Variants in ZFYVE21 observed in about 807,000 individuals in gnomAD.
The protein encoded by ZFYVE21 is zinc finger FYVE-type containing 21.
ZFYVE21 carries 21 observed loss-of-function variants against 29.5 expected under a neutral mutation model. The ratio of observed to expected loss-of-function variants is 0.71; its 90% CI spans 0.50 to 1.02. The LOEUF (loss-of-function observed/expected upper bound fraction) is 1.02. ZFYVE21 is among the 50% of genes least tolerant of loss of function. The pLI, the probability that ZFYVE21 is intolerant of heterozygous loss-of-function variation, is 0.00. For missense variants in ZFYVE21, 326 were observed against 335.4 expected, an observed-to-expected ratio of 0.97 and a Z score of 0.22; for synonymous variants, 151 against 133.8, an observed-to-expected ratio of 1.13 and a Z score of -0.89.
chr14:103,728,820 G>T lies in ZFYVE21; in HGVS notation c.359-88G>T. 3.1e-6 allele frequency: 4 copies of T among 1,294,944 alleles called. No homozygotes were observed. In the East Asian group the frequency reaches 6.9e-5, roughly 22 times the overall value. The allele number at this position is 1,294,944 out of a possible 1,614,324, so 80.2% of individuals were successfully genotyped here. On this transcript the variant is annotated intron_variant, in intron 3 of 6. Coordinates refer to ENST00000311141, the MANE Select transcript of ZFYVE21 (RefSeq NM_024071.4). ...TCTTGCTGTTTTTACTCTGTCCTCT[G>T]TGCGTGCGTCTCCTACTGGTACTCG...
intron 1 of ZFYVE21, among the ~76,000 whole-genome samples, chr14:103,721,592 T>C (rs1323027925): frequency 2.6e-5 from 4 of 152,156 alleles, no homozygotes; most frequent in South Asian, 2.1e-4. Context: ...GGGGGCAGTG[T>C]CTGTCATTAG....
intron 1 of ZFYVE21, among the ~76,000 whole-genome samples, chr14:103,719,754 C>T (rs1306767286): frequency 6.6e-6 from 1 of 152,048 alleles, no homozygotes; most frequent in Non-Finnish European, 1.5e-5. Context: ...GTTCTGGGAA[C>T]CAGCAGCCTC....
intron 2 of ZFYVE21, chr14:103,727,303 G>C: frequency 2.7e-6 from 1 of 365,208 alleles, no homozygotes; most frequent in Non-Finnish European, 5.3e-6. Flanking sequence ...TGACTGTGCT[G>C]ATTCTGCCGG....
At chr14:103,727,409 C>T in intron 2 of ZFYVE21, 1 of 439,960 alleles carries the variant, frequency 2.3e-6, no homozygotes, top group Non-Finnish European at 4.4e-6. Context: ...CCGCTTTGCC[C>T]TCGTGAAGTG....
intron 5 of ZFYVE21, chr14:103,729,956 C>A: frequency 2.4e-6 from 3 of 1,238,974 alleles, no homozygotes; most frequent in Non-Finnish European, 3.3e-6. Context: ...CTTTGTGAAA[C>A]CTGAATTCAC....
chr14:103,718,631 T>A (rs1432180483), intron 1 of ZFYVE21, among the ~76,000 whole-genome samples: 1 of 152,114 alleles, frequency 6.6e-6, no homozygotes, highest in Admixed American at 6.5e-5. Context: ...GACTCTGCCA[T>A]CAAATATCCG....
intron 1 of ZFYVE21, among the ~76,000 whole-genome samples, chr14:103,719,169 T>A (rs906030996): frequency 1.3e-5 from 2 of 152,016 alleles, no homozygotes; most frequent in Admixed American, 6.6e-5. Context: ...TTCCAGCTAC[T>A]TGGGAGGCTG....
At chr14:103,721,103 G>T (rs531808061) in intron 1 of ZFYVE21, among the ~76,000 whole-genome samples, 1 of 152,298 alleles carries the variant, frequency 6.6e-6, no homozygotes, top group African/African-American at 2.4e-5. Context: ...TGGGATTACA[G>T]GTGTGGCCAC....
intron 5 of ZFYVE21, 180 bp downstream of exon 5, chr14:103,729,362 C>T (rs568701190): frequency 2.1e-5 from 13 of 624,428 alleles, no homozygotes; most frequent in Non-Finnish European, 3.0e-5. Context: ...CTTTAGAACT[C>T]GCCAGGTGAG....
At chr14:103,717,370 G>T (rs993197173) in intron 1 of ZFYVE21, among the ~76,000 whole-genome samples, 4 of 152,342 alleles carry the variant, frequency 2.6e-5, no homozygotes, top group Middle Eastern at 3.4e-3. Context: ...CTCTACGTCT[G>T]TATGAACCGT....
chr14:103,728,098 G>A (rs2151952581), intron 3 of ZFYVE21, 184 bp downstream of exon 3: 1 of 630,808 alleles, frequency 1.6e-6, no homozygotes, highest in Non-Finnish European at 2.5e-6. Context: ...CTTTTCAGAG[G>A]CGGAATGTCG....
chr14:103,733,158 C>A lies in ZFYVE21; in HGVS notation c.*140C>A. On this transcript the variant is annotated 3_prime_UTR_variant, in exon 7 of 7. Transcript: ENST00000311141. ...CAACTCACTCATGTATTTGGAGAAACAGGAGTGTTCACTTATCTAGTGCAA... is the reference window on the plus strand; with the variant it reads ...CAACTCACTCATGTATTTGGAGAAAAAGGAGTGTTCACTTATCTAGTGCAA... 1.8e-6 allele frequency: 2 copies of A among 1,088,314 alleles called. No individual in the cohort carries two copies. Among genetic ancestry groups the A allele is most frequent in the Non-Finnish European group, 2.7e-6 (2 of 739,908 alleles). 67.4% of individuals were successfully genotyped at this position (1,088,314 alleles called of 1,614,324 possible).
chr14:103,721,371 C>T (rs1335848542), intron 1 of ZFYVE21, among the ~76,000 whole-genome samples: 1 of 152,246 alleles, frequency 6.6e-6, no homozygotes, highest in Non-Finnish European at 1.5e-5. Context: ...CTCGCTCCCT[C>T]TTGGCCCCGC....
At chr14:103,728,387 C>T (rs1000552893) in intron 3 of ZFYVE21, among the ~76,000 whole-genome samples, 1 of 152,108 alleles carries the variant, frequency 6.6e-6, no homozygotes, top group Non-Finnish European at 1.5e-5. Context: ...GCAGCGCCTT[C>T]TCCCCACTGT....
intron 5 of ZFYVE21, 49 bp downstream of exon 5, chr14:103,729,231 C>T (rs766979607): frequency 8.8e-6 from 14 of 1,592,462 alleles, no homozygotes; most frequent in East Asian, 2.2e-5. Context: ...TGGTGCCATG[C>T]GTGGGTGACA....
chr14:103,716,851 C>G lies in ZFYVE21; in HGVS notation c.138+872C>G, dbSNP rs2083824251. ...CCCCGAGTGCATTTAATCCCACTGG[C>G]TGTGCGCTAACAGGTGTGTCCAGTT... On this transcript the variant is annotated intron_variant, in intron 1 of 6. Coordinates refer to ENST00000311141, the MANE Select transcript of ZFYVE21 (RefSeq NM_024071.4). This position sits in a 1 kb window ranked among gnomAD's most constrained non-coding sequence, Gnocchi z 4.8. 6.6e-6 allele frequency among the ~76,000 whole-genome samples: 1 copy of G among 152,166 alleles called. No homozygotes were observed. Among genetic ancestry groups the G allele is most frequent in the Admixed American group, 6.5e-5 (1 of 15,284 alleles).
At chr14:103,721,421 C>G (rs564897809) in intron 1 of ZFYVE21, among the ~76,000 whole-genome samples, 3 of 152,242 alleles carry the variant, frequency 2.0e-5, no homozygotes, top group Non-Finnish European at 2.9e-5. Flanking sequence ...TATAGCTTCC[C>G]GCCGAGCCTG....
In ZFYVE21 at chr14:103,718,684, C is replaced by T. The variant is rs1167819999; in HGVS notation, c.138+2705C>T. On this transcript the variant is annotated intron_variant, in intron 1 of 6. Coordinates refer to ENST00000311141, the MANE Select transcript of ZFYVE21 (RefSeq NM_024071.4). ...TGGGCTTGGGGGTGGGCGGTCCGGG[C>T]GTGCAGCCATCTGGGCTTGTCACAA... Among the ~76,000 whole-genome samples, 4 of 152,282 alleles carry T rather than the reference C, an allele frequency of 2.6e-5. No homozygotes were observed. The South Asian group carries it at 6.2e-4, about 24-fold the overall frequency.
chr14:103,717,365 C>A (rs1018544283), intron 1 of ZFYVE21, among the ~76,000 whole-genome samples: 1 of 152,172 alleles, frequency 6.6e-6, no homozygotes, highest in Admixed American at 6.5e-5. Flanking sequence ...AAATACTCTA[C>A]GTCTGTATGA....
Sources: allele counts gnomAD v4.1 joint callset (sites outside exome capture counted in the v4.1 genomes callset), GRCh38; gene constraint gnomAD v4.1.1; non-coding constraint Gnocchi (gnomAD v3.1); transcripts MANE v1.5; gene names NCBI Gene and HGNC (gene_info 2026-07-23, HGNC 2026-07-21).